SLAIN1: variants seen among roughly 807,000 people sequenced by gnomAD.
SLAIN1 encodes SLAIN motif-containing protein 1.
In SLAIN1, 17 loss-of-function variants were observed where a neutral mutation model predicts 55.4. That is an observed-to-expected ratio of 0.31 (90% CI 0.21 to 0.46). The LOEUF (loss-of-function observed/expected upper bound fraction) is 0.46. SLAIN1 is among the 20% of genes least tolerant of loss of function. SLAIN1 has a pLI of 1.00. For synonymous variants in SLAIN1, 348 were observed against 337.4 expected, an observed-to-expected ratio of 1.03 and a Z score of -0.35; for missense variants, 682 against 785.1, an observed-to-expected ratio of 0.87 and a Z score of 1.57.
intron 2 of SLAIN1, among the ~76,000 whole-genome samples, chr13:77,726,879 G>C (rs1201318222): frequency 6.6e-6 from 1 of 152,120 alleles, no homozygotes; most frequent in African/African-American, 2.4e-5. Flanking sequence ...TATTTATTTT[G>C]TAGTGTTGTT....
At chr13:77,728,084 A>G (rs1360890287) in intron 2 of SLAIN1, among the ~76,000 whole-genome samples, 1 of 152,180 alleles carries the variant, frequency 6.6e-6, no homozygotes, top group Non-Finnish European at 1.5e-5. Flanking sequence ...AAAATCTACA[A>G]CAATCTCTTT....
chr13:77,753,959 G>A (rs947503579), intron 5 of SLAIN1, among the ~76,000 whole-genome samples: 2 of 152,180 alleles, frequency 1.3e-5, no homozygotes, highest in Non-Finnish European at 2.9e-5. Context: ...GAGTGACACA[G>A]TTAGCATTAG....
At chr13:77,759,306 A>G (rs1418529754) in intron 5 of SLAIN1, among the ~76,000 whole-genome samples, 2 of 152,068 alleles carry the variant, frequency 1.3e-5, no homozygotes, top group Non-Finnish European at 2.9e-5. Flanking sequence ...TACTGAATCC[A>G]TTTATCAGAT....
In SLAIN1 at chr13:77,719,565, A is replaced by G. The variant is rs1229607265; in HGVS notation, c.660A>G (p.Ser220=). 4.3e-6 allele frequency: 7 copies of G among 1,613,214 alleles called. No homozygotes were observed. Among genetic ancestry groups the G allele is most frequent in the Non-Finnish European group, 5.9e-6 (7 of 1,179,504 alleles). Residue 220 remains serine, a synonymous_variant, in exon 2 of 7, where the codon TCA becomes TCG. Transcript: ENST00000418532. ...TTGGCTCTTCAAAGACGTTCACCTCATCAGAGAAATCCCTGACTCCTTTGC... is the reference window on the plus strand; with the variant it reads ...TTGGCTCTTCAAAGACGTTCACCTCGTCAGAGAAATCCCTGACTCCTTTGC... ...LYIGSSKTFT[S]SEKSLTPLQW...
intron 5 of SLAIN1, among the ~76,000 whole-genome samples, chr13:77,756,102 G>T (rs1874582042): frequency 6.6e-6 from 1 of 151,992 alleles, no homozygotes; most frequent in South Asian, 2.1e-4. Context: ...TTCTTTCTCA[G>T]TCTTGTTTTC....
chr13:77,698,600 A>T lies in SLAIN1; in HGVS notation c.626+61A>T. On this transcript the variant is annotated intron_variant, in intron 1 of 6. Transcript: ENST00000418532. This position sits in a 1 kb window ranked among gnomAD's most constrained non-coding sequence, Gnocchi z 4.1. Reference sequence around the variant, plus strand: ...GCCTCGGGGGCTTCGGGCACCGGGGAGCGGGGGCGGGGGGCGGACGGGGGT... The same window carrying T: ...GCCTCGGGGGCTTCGGGCACCGGGGTGCGGGGGCGGGGGGCGGACGGGGGT... 6 of 1,332,728 alleles carry T rather than the reference A, an allele frequency of 4.5e-6. No homozygotes were observed. Among genetic ancestry groups the T allele is most frequent in the Non-Finnish European group, 5.7e-6 (6 of 1,045,944 alleles). The allele number at this position is 1,332,728 out of a possible 1,614,324, so 82.6% of individuals were successfully genotyped here.
At position 77,697,903 on chromosome 13, in the gene SLAIN1, C is replaced by T; in HGVS notation, c.-11C>T. Reference sequence around the variant, plus strand: ...CACTCCCCGGCGGCCGCGGCGCCCTCGGGGCCCACGATGATGGCGGAGCAG... The same window carrying T: ...CACTCCCCGGCGGCCGCGGCGCCCTTGGGGCCCACGATGATGGCGGAGCAG... On this transcript the variant is annotated 5_prime_UTR_variant, in exon 1 of 7. Coordinates refer to ENST00000418532, the MANE Select transcript of SLAIN1 (RefSeq NM_001242868.2). 2.9e-6 allele frequency: 4 copies of T among 1,368,828 alleles called. No individual in the cohort carries two copies. The highest frequency in any genetic ancestry group is 1.9e-6 in the Non-Finnish European group (2 of 1,052,520). 84.8% of individuals were successfully genotyped at this position (1,368,828 alleles called of 1,614,324 possible). A position where few individuals can be genotyped will look rare whatever the true frequency, so the allele number is the denominator to read the frequency against.
At chr13:77,762,398 A>T (rs925155152) in intron 6 of SLAIN1, among the ~76,000 whole-genome samples, 2 of 152,082 alleles carry the variant, frequency 1.3e-5, no homozygotes, top group Non-Finnish European at 2.9e-5. Context: ...AATTGTTTTA[A>T]ATTTAAATTT....
At chr13:77,711,669 C>T (rs376974843) in intron 1 of SLAIN1, among the ~76,000 whole-genome samples, 125 of 152,318 alleles carry the variant, frequency 8.2e-4, no homozygotes, top group African/African-American at 2.6e-3. Context: ...GGTACCATTC[C>T]TTCTGAAACT....
At chr13:77,719,085 T>A (rs1173333275) in intron 1 of SLAIN1, among the ~76,000 whole-genome samples, 4 of 152,186 alleles carry the variant, frequency 2.6e-5, no homozygotes, top group Admixed American at 1.3e-4. Flanking sequence ...TGTTTAGACT[T>A]ATTTTTAAAA....
At chr13:77,715,633 A>G (rs79458304) in intron 1 of SLAIN1, among the ~76,000 whole-genome samples, 1,858 of 152,262 alleles carry the variant, frequency 0.012, 36 homozygotes, top group African/African-American at 0.042. Flanking sequence ...AGCCATTCCA[A>G]TAGGTATGTG....
chr13:77,700,782 A>G (rs1019931995), intron 1 of SLAIN1, among the ~76,000 whole-genome samples: 1 of 152,120 alleles, frequency 6.6e-6, no homozygotes, highest in Non-Finnish European at 1.5e-5. Context: ...TTATTAAGAA[A>G]CAACTGGAGT....
chr13:77,707,753 A>G (rs9544579), intron 1 of SLAIN1, among the ~76,000 whole-genome samples: 22,837 of 152,164 alleles, frequency 0.15, 2,047 homozygotes, highest in African/African-American at 0.23. Context: ...AAGAAATGGG[A>G]CCAGAATTCT....
At chr13:77,734,034 G>C (rs1372533353) in intron 2 of SLAIN1, among the ~76,000 whole-genome samples, 1 of 152,058 alleles carries the variant, frequency 6.6e-6, no homozygotes, top group African/African-American at 2.4e-5. Flanking sequence ...TCTTCACCTT[G>C]GTTTTTGAAT....
intron 2 of SLAIN1, among the ~76,000 whole-genome samples, chr13:77,730,103 C>T (rs541295592): frequency 5.3e-5 from 8 of 152,094 alleles, no homozygotes; most frequent in South Asian, 2.1e-4. Context: ...TGTGAGGAAA[C>T]GGCAGGCTGT....
chr13:77,745,400 A>G (rs567083333), intron 3 of SLAIN1, among the ~76,000 whole-genome samples: 3 of 152,126 alleles, frequency 2.0e-5, no homozygotes, highest in Admixed American at 2.0e-4. Flanking sequence ...ACTGCATGTG[A>G]GTCTACAGTT....
chr13:77,735,722 G>A (rs1199599180), intron 2 of SLAIN1, among the ~76,000 whole-genome samples: 1 of 152,104 alleles, frequency 6.6e-6, no homozygotes, highest in African/African-American at 2.4e-5. Context: ...CATTGAGCTG[G>A]TGTGACAGAA....
chr13:77,756,995 A>C lies in SLAIN1; in HGVS notation c.1414+3637A>C, dbSNP rs146255377. 4.0e-3 allele frequency among the ~76,000 whole-genome samples: 608 copies of C among 152,292 alleles called. 14 individuals are homozygous for C. Among genetic ancestry groups the C allele is most frequent in the Admixed American group, 0.034 (527 of 15,288 alleles). ...GCACTTTGAAAATTCACTGAGCTGTAGACTTAAGATGTATGTATTTTATGT... is the reference window on the plus strand; with the variant it reads ...GCACTTTGAAAATTCACTGAGCTGTCGACTTAAGATGTATGTATTTTATGT... On this transcript the variant is annotated intron_variant, in intron 5 of 6. Coordinates refer to ENST00000418532, the MANE Select transcript of SLAIN1 (RefSeq NM_001242868.2).
intron 2 of SLAIN1, among the ~76,000 whole-genome samples, chr13:77,727,543 A>G (rs1273288325): frequency 6.7e-6 from 1 of 149,934 alleles, no homozygotes; most frequent in African/African-American, 2.4e-5. Flanking sequence ...ACCAAAACAG[A>G]GTGGTGTTCA....
Sources: allele counts gnomAD v4.1 joint callset (sites outside exome capture counted in the v4.1 genomes callset), GRCh38; gene constraint gnomAD v4.1.1; non-coding constraint Gnocchi (gnomAD v3.1); transcripts MANE v1.5; gene names NCBI Gene and HGNC (gene_info 2026-07-23, HGNC 2026-07-21).